ADAMTS9: variants seen among roughly 807,000 people sequenced by gnomAD.
The protein encoded by ADAMTS9 is A disintegrin and metalloproteinase with thrombospondin motifs 9.
ADAMTS9 carries 107 observed loss-of-function variants against 257.1 expected under a neutral mutation model. The ratio of observed to expected loss-of-function variants is 0.42; its 90% CI spans 0.36 to 0.49. ADAMTS9 has a LOEUF of 0.49. Among genes scored for constraint, ADAMTS9 ranks in the 20% least tolerant of loss-of-function variants. The pLI, the probability that ADAMTS9 is intolerant of heterozygous loss-of-function variation, is 0.03. For synonymous variants in ADAMTS9, 982 were observed against 880.9 expected (o/e 1.11, Z -2.03); for missense variants, 2,353 against 2,469.1 (o/e 0.95, Z 1.00).
intron 26 of ADAMTS9, 136 bp downstream of exon 26, chr3:64,601,808 A>G (rs953572415): frequency 2.8e-6 from 3 of 1,054,526 alleles, no homozygotes; most frequent in African/African-American, 3.2e-5. Flanking sequence ...ATTACAAGTT[A>G]CTCAAAGCAA....
At chr3:64,527,858 C>T (rs1314035976) in intron 38 of ADAMTS9, among the ~76,000 whole-genome samples, 1 of 152,182 alleles carries the variant, frequency 6.6e-6, no homozygotes, top group Non-Finnish European at 1.5e-5. Context: ...AGTTCGGAGG[C>T]AGCCCAGGTC....
intron 8 of ADAMTS9, among the ~76,000 whole-genome samples, chr3:64,653,471 A>C (rs890570312): frequency 1.3e-5 from 2 of 152,212 alleles, no homozygotes; most frequent in Non-Finnish European, 2.9e-5. Context: ...TATTGAGCTA[A>C]ATTGGAGACA....
intron 27 of ADAMTS9, among the ~76,000 whole-genome samples, chr3:64,596,247 C>T (rs182514038): frequency 5.9e-4 from 90 of 152,312 alleles, no homozygotes; most frequent in South Asian, 1.0e-3. Flanking sequence ...GAACAGGACA[C>T]GGTTTTCTCA....
chr3:64,655,815 A>C lies in ADAMTS9; in HGVS notation c.1030T>G (p.Leu344Val). Residue 344 changes from leucine (L) to valine (V), a missense_variant, in exon 5 of 40, where the codon TTA becomes GTA. Coordinates refer to ENST00000498707, the MANE Select transcript of ADAMTS9 (RefSeq NM_182920.2). The part of the protein sequence containing the change: ...GNLINIVIVN[L>V]IVIHNEQDGP... ...ACCTGTTCATTATGAATCACAATTAAGTTCACAATAACAATATTAATTAAA... is the reference window on the plus strand; with the variant it reads ...ACCTGTTCATTATGAATCACAATTACGTTCACAATAACAATATTAATTAAA... 2.5e-6 allele frequency: 4 copies of C among 1,574,618 alleles called. No homozygotes were observed. The highest frequency in any genetic ancestry group is 3.4e-6 in the Non-Finnish European group (4 of 1,164,522).
At chr3:64,628,503 C>T (rs577066307) in intron 16 of ADAMTS9, among the ~76,000 whole-genome samples, 1 of 152,324 alleles carries the variant, frequency 6.6e-6, no homozygotes, top group Admixed American at 6.5e-5. Flanking sequence ...ACTGCAGCCA[C>T]ATGCTCAAAT....
Position 64,596,907 on chromosome 3 carries a change from C to T in ADAMTS9, c.4102G>A (p.Glu1368Lys), listed in dbSNP as rs1238967815. The T allele has an allele frequency of 6.2e-7, 1 of 1,614,026 alleles. No homozygotes were observed. Among genetic ancestry groups the T allele is most frequent in the South Asian group, 1.1e-5 (1 of 91,076 alleles). Reference sequence around the variant, plus strand: ...CTTTGCTCATCAGGTTTTATTCTCTCCACACAGTCGTTTGCGGTGTATCCA... The same window carrying T: ...CTTTGCTCATCAGGTTTTATTCTCTTCACACAGTCGTTTGCGGTGTATCCA... ...ENGYTANDCV[E>K]RIKPDEQRAC... The change falls in exon 27 of 40, where the codon GAG becomes AAG. Residue 1368 changes from glutamate (E) to lysine (K), a missense_variant. Physicochemically the swap from Glu to Lys is moderately conservative, Grantham distance 56 (BLOSUM62 1). Coordinates refer to ENST00000498707, the MANE Select transcript of ADAMTS9 (RefSeq NM_182920.2).
At chr3:64,598,848 A>G (rs1167909078) in intron 26 of ADAMTS9, among the ~76,000 whole-genome samples, 1 of 152,066 alleles carries the variant, frequency 6.6e-6, no homozygotes, top group African/African-American at 2.4e-5. Context: ...CCCCAGTAAA[A>G]TGGCAGGCTC....
At chr3:64,604,569 T>C (rs912360966) in intron 23 of ADAMTS9, among the ~76,000 whole-genome samples, 4 of 152,170 alleles carry the variant, frequency 2.6e-5, no homozygotes, top group Non-Finnish European at 5.9e-5. Context: ...TTGAGGATTT[T>C]TAAAGCCATA....
intron 3 of ADAMTS9, among the ~76,000 whole-genome samples, chr3:64,660,642 G>A (rs572906030): frequency 6.6e-6 from 1 of 152,194 alleles, no homozygotes; most frequent in South Asian, 2.1e-4. Flanking sequence ...TAGCCATTCC[G>A]GTGATCAGAT....
chr3:64,672,229 T>G (rs1162037073), intron 3 of ADAMTS9, among the ~76,000 whole-genome samples: 1 of 152,214 alleles, frequency 6.6e-6, no homozygotes, highest in Non-Finnish European at 1.5e-5. Flanking sequence ...TATTCACCCT[T>G]GTAGCACCCC....
chr3:64,642,007 G>A lies in ADAMTS9; in HGVS notation c.1711-14C>T, dbSNP rs1046328268. The A allele has an allele frequency of 1.2e-6, 2 of 1,613,776 alleles. No homozygotes were observed. Among genetic ancestry groups the A allele is most frequent in the African/African-American group, 2.7e-5 (2 of 75,028 alleles). ...ATACTTGCAGTGCTGTATTTAATAA[G>A]GGGAATAGTGAGGGAGACTTGGCGC... On this transcript the variant is annotated splice_polypyrimidine_tract_variant and intron_variant, in intron 11 of 39. Coordinates refer to ENST00000498707, the MANE Select transcript of ADAMTS9 (RefSeq NM_182920.2).
intron 3 of ADAMTS9, among the ~76,000 whole-genome samples, chr3:64,663,911 C>G (rs1276560241): frequency 6.6e-6 from 1 of 152,084 alleles, no homozygotes; most frequent in Non-Finnish European, 1.5e-5. Flanking sequence ...TAGCAAGCAA[C>G]TTTGAATTTC....
At chr3:64,598,389 G>T (rs1197020528) in intron 26 of ADAMTS9, among the ~76,000 whole-genome samples, 5 of 150,874 alleles carry the variant, frequency 3.3e-5, no homozygotes, top group African/African-American at 1.2e-4. Flanking sequence ...GCGATCACAG[G>T]TTACTACGGC....
At chr3:64,549,606 G>T (rs1430247239) in intron 31 of ADAMTS9, among the ~76,000 whole-genome samples, 1 of 152,130 alleles carries the variant, frequency 6.6e-6, no homozygotes, top group Non-Finnish European at 1.5e-5. Context: ...CCGAGAAGAT[G>T]CAGGGTTGGG....
intron 3 of ADAMTS9, among the ~76,000 whole-genome samples, chr3:64,660,496 TAAAC>T (rs1462922345): frequency 6.6e-6 from 1 of 152,142 alleles, no homozygotes; most frequent in Non-Finnish European, 1.5e-5. Context: ...ATTCCAGAAA[TAAAC>T]AATTCATAAC....
intron 38 of ADAMTS9, among the ~76,000 whole-genome samples, chr3:64,525,878 C>T (rs185793587): frequency 1.0e-3 from 156 of 150,622 alleles, no homozygotes; most frequent in African/African-American, 3.5e-3. Flanking sequence ...CGTAAGCCAC[C>T]GTGCCCAGCC....
intron 30 of ADAMTS9, among the ~76,000 whole-genome samples, chr3:64,560,298 C>T (rs1361249177): frequency 6.6e-6 from 1 of 152,020 alleles, no homozygotes; most frequent in Non-Finnish European, 1.5e-5. Flanking sequence ...TTCCTCCCTG[C>T]CACTGTCTGG....
intron 3 of ADAMTS9, among the ~76,000 whole-genome samples, chr3:64,670,570 C>G (rs931528418): frequency 1.3e-5 from 2 of 152,084 alleles, no homozygotes; most frequent in Admixed American, 1.3e-4. Context: ...AATTAAGAGA[C>G]TTTTTGAAAG....
chr3:64,528,694 C>A (rs1168364215), intron 38 of ADAMTS9, among the ~76,000 whole-genome samples: 1 of 152,174 alleles, frequency 6.6e-6, no homozygotes, highest in African/African-American at 2.4e-5. Flanking sequence ...ATATGGCAAA[C>A]CTCAGGGCTA....
Sources: allele counts gnomAD v4.1 joint callset (sites outside exome capture counted in the v4.1 genomes callset), GRCh38; gene constraint gnomAD v4.1.1; transcripts MANE v1.5; gene names NCBI Gene and HGNC (gene_info 2026-07-23, HGNC 2026-07-21).